MAP2: variants seen among roughly 807,000 people sequenced by gnomAD.
MAP2 encodes the protein microtubule associated protein 2, also known as microtubule-associated protein 2.
A neutral mutation model predicts 137.6 loss-of-function variants in MAP2; 14 were observed. The ratio of observed to expected loss-of-function variants is 0.10; its 90% CI spans 0.07 to 0.16. The LOEUF (loss-of-function observed/expected upper bound fraction) is 0.16. MAP2 is among the 10% of genes least tolerant of loss of function. The probability of loss-of-function intolerance (pLI) is 1.00; values close to 1 mark genes in which losing one functional copy is unlikely to be tolerated. For synonymous variants in MAP2, 786 were observed against 782.3 expected (o/e 1.00, Z -0.08); for missense variants, 2,088 against 2,191.5 (o/e 0.95, Z 0.94).
Position 209,695,185 on chromosome 2 carries a change from A to G in MAP2, c.3015A>G (p.Ser1005=), listed in dbSNP as rs2059883491. The G allele has an allele frequency of 1.2e-6, 2 of 1,614,092 alleles. No homozygotes were observed. The highest frequency in any genetic ancestry group is 2.7e-5 in the African/African-American group (2 of 74,940). The part of the protein sequence containing the change: ...TYEQALAKDL[S]IPTDASSEKA... ...AGCAAGCTTTGGCCAAAGATTTGTC[A>G]ATACCAACAGATGCATCCTCTGAGA... Residue 1005 remains serine, a synonymous_variant, in exon 8 of 16, where the codon TCA becomes TCG. Coordinates refer to ENST00000682079, the MANE Select transcript of MAP2 (RefSeq NM_001375505.1).
chr2:209,678,049 A>G (rs987081030), intron 5 of MAP2, among the ~76,000 whole-genome samples: 1 of 152,060 alleles, frequency 6.6e-6, no homozygotes, highest in African/African-American at 2.4e-5. Context: ...GAATAGTATA[A>G]GGAAACTATA....
chr2:209,479,721 A>C (rs991549424), intron 1 of MAP2, among the ~76,000 whole-genome samples: 2 of 152,176 alleles, frequency 1.3e-5, no homozygotes, highest in African/African-American at 4.8e-5. Context: ...GAACTACATA[A>C]AACAATATTT....
intron 4 of MAP2, among the ~76,000 whole-genome samples, chr2:209,651,988 G>A (rs1196581727): frequency 6.6e-6 from 1 of 152,134 alleles, no homozygotes; most frequent in African/African-American, 2.4e-5. Flanking sequence ...GCCTTTGCTT[G>A]AGATACTTTT....
At chr2:209,425,680 CCA>C (rs1692365686) in intron 1 of MAP2, among the ~76,000 whole-genome samples, 1 of 152,190 alleles carries the variant, frequency 6.6e-6, no homozygotes, top group Non-Finnish European at 1.5e-5. Context: ...TCTATGTGAG[CCA>C]CATTATGCAA....
intron 2 of MAP2, among the ~76,000 whole-genome samples, chr2:209,530,614 C>A (rs1340371489): frequency 1.3e-5 from 2 of 152,134 alleles, no homozygotes; most frequent in African/African-American, 4.8e-5. Flanking sequence ...GTGTATTTTT[C>A]TCAGCTTGAA....
chr2:209,517,832 C>T (rs748797563), intron 2 of MAP2, among the ~76,000 whole-genome samples: 4 of 151,084 alleles, frequency 2.6e-5, no homozygotes, highest in Non-Finnish European at 5.9e-5. Context: ...CAAAGAAATA[C>T]AAGCCATGAG....
At chr2:209,455,056 G>A (rs1701217071) in intron 1 of MAP2, among the ~76,000 whole-genome samples, 1 of 152,090 alleles carries the variant, frequency 6.6e-6, no homozygotes. Flanking sequence ...TCTTATGAGG[G>A]CACTAATCAC....
chr2:209,606,898 A>G (rs1398663303), intron 3 of MAP2, among the ~76,000 whole-genome samples: 1 of 152,174 alleles, frequency 6.6e-6, no homozygotes, highest in Non-Finnish European at 1.5e-5. Flanking sequence ...CTTCACAGTA[A>G]ATGAATAGCA....
chr2:209,597,532 C>A (rs1487939042), intron 3 of MAP2, among the ~76,000 whole-genome samples: 1 of 152,166 alleles, frequency 6.6e-6, no homozygotes, highest in Admixed American at 6.5e-5. Context: ...GCTTCACAGG[C>A]ACCATTGTAC....
chr2:209,499,011 A>G (rs1227162157), intron 1 of MAP2, among the ~76,000 whole-genome samples: 1 of 152,120 alleles, frequency 6.6e-6, no homozygotes, highest in Non-Finnish European at 1.5e-5. Flanking sequence ...CTCTCTCAAA[A>G]AAAGCTTTTT....
chr2:209,434,906 A>G (rs868087547), intron 1 of MAP2, among the ~76,000 whole-genome samples: 2 of 139,670 alleles, frequency 1.4e-5, no homozygotes, highest in African/African-American at 5.5e-5. Context: ...TTATATATAT[A>G]TGTTATATAT....
chr2:209,432,564 A>G (rs769335077), intron 1 of MAP2, among the ~76,000 whole-genome samples: 3 of 152,196 alleles, frequency 2.0e-5, no homozygotes, highest in Non-Finnish European at 4.4e-5. Flanking sequence ...TGAAAACTGA[A>G]ACCATACCAC....
intron 13 of MAP2, among the ~76,000 whole-genome samples, chr2:209,717,785 T>C (rs114121249): frequency 0.033 from 5,013 of 152,268 alleles, 260 homozygotes; most frequent in African/African-American, 0.11. Flanking sequence ...TGGGAGACAA[T>C]GAGGCATGGT....
chr2:209,693,601 A>T lies in MAP2; in HGVS notation c.1431A>T (p.Thr477=). Residue 477 remains threonine (T), a synonymous_variant, in exon 8 of 16, where the codon ACA becomes ACT. Coordinates refer to ENST00000682079, the MANE Select transcript of MAP2 (RefSeq NM_001375505.1). ...AAATAGGCATAATTCAGACCTCCAC[A>T]GAGCACACTTTCTCAGAACAGAAAG... The part of the protein sequence containing the change: ...DEEIGIIQTS[T]EHTFSEQKDQ... The T allele has an allele frequency of 1.2e-6, 2 of 1,614,010 alleles. No individual in the cohort carries two copies. Among genetic ancestry groups the T allele is most frequent in the Non-Finnish European group, 1.7e-6 (2 of 1,180,004 alleles).
intron 1 of MAP2, 25 bp downstream of exon 1, chr2:209,424,301 C>A (rs887942816): frequency 1.3e-5 from 2 of 152,448 alleles, no homozygotes; most frequent in South Asian, 2.1e-4. Flanking sequence ...CCACCTCTGG[C>A]TCTATGTAGG....
At chr2:209,652,345 A>G (rs1373768430) in intron 4 of MAP2, among the ~76,000 whole-genome samples, 7 of 152,230 alleles carry the variant, frequency 4.6e-5, no homozygotes, top group Non-Finnish European at 1.0e-4. Flanking sequence ...GATAGGATGT[A>G]GGCCTAATGC....
At chr2:209,673,905 C>A (rs997025433) in intron 5 of MAP2, among the ~76,000 whole-genome samples, 12 of 151,732 alleles carry the variant, frequency 7.9e-5, no homozygotes, top group African/African-American at 2.9e-4. Context: ...AAGAATTTTT[C>A]ATGTCACCAA....
intron 2 of MAP2, among the ~76,000 whole-genome samples, chr2:209,528,151 G>C (rs532525266): frequency 6.6e-6 from 1 of 151,318 alleles, no homozygotes; most frequent in African/African-American, 2.4e-5. Context: ...AGAAGACTGG[G>C]CTGTAATTCC....
At chr2:209,660,710 T>TATC (rs1559502325) in intron 5 of MAP2, among the ~76,000 whole-genome samples, 1 of 126,492 alleles carries the variant, frequency 7.9e-6, no homozygotes, top group African/African-American at 3.2e-5. Flanking sequence ...CAATTATTAT[T>TATC]ATTATTATTA....
Sources: allele counts gnomAD v4.1 joint callset (sites outside exome capture counted in the v4.1 genomes callset), GRCh38; gene constraint gnomAD v4.1.1; transcripts MANE v1.5; gene names NCBI Gene and HGNC (gene_info 2026-07-23, HGNC 2026-07-21).